The following CCNB3 variants were observed in gnomAD, a reference collection of about 807,000 sequenced individuals.
CCNB3 encodes G2/mitotic-specific cyclin-B3.
CCNB3 carries 12 observed loss-of-function variants against 68.0 expected under a neutral mutation model. The ratio of observed to expected loss-of-function variants is 0.18; its 90% CI spans 0.11 to 0.29. The LOEUF is 0.29. Ranked by LOEUF, CCNB3 falls within the 10% of genes least tolerant of loss-of-function variation. The pLI, the probability that CCNB3 is intolerant of heterozygous loss-of-function variation, is 1.00. For synonymous variants in CCNB3, 354 were observed against 388.9 expected, an observed-to-expected ratio of 0.91 and a Z score of 1.06; for missense variants, 904 against 993.1, an observed-to-expected ratio of 0.91 and a Z score of 1.21.
rs782708686 is a variant in CCNB3, at chrX:50,323,094, A to G, written c.3516+9146A>G. On this transcript the variant is annotated intron_variant, in intron 8 of 12. Transcript: ENST00000376042. Reference sequence around the variant, plus strand: ...GTATACACCCAAAGGATTAGAAATCATGCTGCTATAAAGACACATGCACAT... The same window carrying G: ...GTATACACCCAAAGGATTAGAAATCGTGCTGCTATAAAGACACATGCACAT... Among the ~76,000 whole-genome samples, 12 of 112,190 alleles carry G rather than the reference A, an allele frequency of 1.1e-4. No individual in the cohort carries two copies. In the East Asian group the frequency reaches 3.4e-3, roughly 31 times the overall value.
At position 50,310,449 on chromosome X, in the gene CCNB3, C is replaced by T. The variant is rs1557214572; in HGVS notation, c.2280C>T (p.Phe760=). Reference sequence around the variant, plus strand: ...AGTCCACTTCTCATGGAAAAGTGTTCTTCCTGAAGAAGCAGTTGGCTTTGA... The same window carrying T: ...AGTCCACTTCTCATGGAAAAGTGTTTTTCCTGAAGAAGCAGTTGGCTTTGA... The part of the protein sequence containing the change: ...KKKSTSHGKV[F]FLKKQLALNE... The change falls in exon 6 of 13, where the codon TTC becomes TTT. Residue 760 remains phenylalanine, a synonymous_variant. Transcript: ENST00000376042. 2 of 1,210,462 alleles carry T rather than the reference C, an allele frequency of 1.7e-6. No homozygotes were observed. Among genetic ancestry groups the T allele is most frequent in the South Asian group, 3.5e-5 (2 of 56,605 alleles).
chrX:50,225,473 A>G (rs1935738564), intron 1 of CCNB3, among the ~76,000 whole-genome samples: 1 of 110,045 alleles, frequency 9.1e-6, no homozygotes, highest in African/African-American at 3.3e-5. Flanking sequence ...GAAGGGAGGG[A>G]CACGATACCA....
intron 1 of CCNB3, 76 bp from the exon 2 acceptor site, chrX:50,284,466 C>T (rs1476401931): frequency 2.7e-5 from 3 of 111,865 alleles, no homozygotes; most frequent in Non-Finnish European, 3.8e-5. Context: ...AGATCAAGTT[C>T]TTATGTCAAA....
At chrX:50,209,105 C>T (rs75863855) in intron 1 of CCNB3, among the ~76,000 whole-genome samples, 3 of 107,283 alleles carry the variant, frequency 2.8e-5, no homozygotes, top group Non-Finnish European at 5.8e-5. Flanking sequence ...TTTTAAAAAA[C>T]CTTTCATTGA....
At chrX:50,294,767 C>T in intron 4 of CCNB3, 96 bp from the exon 5 acceptor site, 1 of 1,044,322 alleles carries the variant, frequency 9.6e-7, no homozygotes, top group Non-Finnish European at 1.3e-6. Flanking sequence ...TGGGTCAGGA[C>T]TTTCCTATGA....
intron 5 of CCNB3, 81 bp downstream of exon 5, chrX:50,295,074 T>A (rs1936427744): frequency 9.8e-7 from 1 of 1,017,693 alleles, no homozygotes; most frequent in South Asian, 2.5e-5. Context: ...AGAACATATT[T>A]AGCAAGCCAC....
Position 50,288,939 on chromosome X carries a change from T to A in CCNB3, c.204+52T>A, listed in dbSNP as rs973181177. The A allele has an allele frequency of 2.4e-5, 20 of 822,228 alleles. No individual in the cohort carries two copies. In the African/African-American group the frequency reaches 3.9e-4, roughly 16 times the overall value. The allele number at this position is 822,228 out of a possible 1,213,427, so 67.8% of individuals were successfully genotyped here. A position where few individuals can be genotyped will look rare whatever the true frequency, so the allele number is the denominator to read the frequency against. ...TATGGTTTTGCATAAGGCTTAGACA[T>A]GCTGTTTCTTGAGGGACCTTTCCAC... is the stretch of plus-strand genomic sequence containing the variant. On this transcript the variant is annotated intron_variant, in intron 4 of 12. Coordinates refer to ENST00000376042, the MANE Select transcript of CCNB3 (RefSeq NM_033031.3).
Position 50,351,062 on chromosome X carries a change from A to G in CCNB3, c.3961-179A>G, listed in dbSNP as rs182649248. 1.5e-4 allele frequency among the ~76,000 whole-genome samples: 17 copies of G among 111,744 alleles called. No homozygotes were observed. The East Asian group carries it at 4.8e-3, about 32-fold the overall frequency. On this transcript the variant is annotated intron_variant, in intron 11 of 12. Transcript: ENST00000376042. ...TCCCAGTAGTTTGTGGCTGGAATCTATTCTTCTATATAGCATAGTATAATT... is the reference window on the plus strand; with the variant it reads ...TCCCAGTAGTTTGTGGCTGGAATCTGTTCTTCTATATAGCATAGTATAATT...
rs369525241 is a variant in CCNB3 at position 50,286,613 on chromosome X, GTT to G, written c.96+1371_96+1372del. 2.4e-3 allele frequency among the ~76,000 whole-genome samples: 183 copies of G among 75,326 alleles called. 1 individual carries two copies. The highest frequency in any genetic ancestry group is 0.011 in the South Asian group (16 of 1,497). The allele number at this position is 75,326 out of a possible 115,157, so 65.4% of individuals were successfully genotyped here. On this transcript the variant is annotated intron_variant, in intron 3 of 12. Transcript: ENST00000376042. Reference sequence around the variant, plus strand: ...GCCACAGTGCCTGGCCCTCAGTTCGGTTTTTTTTTTTTTTTTTTGGTTGTTGT... The same window carrying G: ...GCCACAGTGCCTGGCCCTCAGTTCGGTTTTTTTTTTTTTTTTGGTTGTTGT...
intron 3 of CCNB3, among the ~76,000 whole-genome samples, 156 bp downstream of exon 3, chrX:50,285,415 A>G (rs1252706266): frequency 9.0e-6 from 1 of 111,326 alleles, no homozygotes; most frequent in Non-Finnish European, 1.9e-5. Flanking sequence ...ATGCCAGCAA[A>G]TTAGAACTTG....
At chrX:50,219,388 G>T (rs1935634619) in intron 1 of CCNB3, among the ~76,000 whole-genome samples, 2 of 111,332 alleles carry the variant, frequency 1.8e-5, no homozygotes, top group Admixed American at 9.6e-5. Flanking sequence ...TTCTTCGGGG[G>T]TTTTTATGGT....
intron 4 of CCNB3, among the ~76,000 whole-genome samples, chrX:50,290,250 C>T (rs782742630): frequency 8.9e-6 from 1 of 111,847 alleles, no homozygotes; most frequent in African/African-American, 3.2e-5. Context: ...AACTTAAAAA[C>T]AACAGAAAGT....
chrX:50,220,549 T>G (rs1259407235), intron 1 of CCNB3, among the ~76,000 whole-genome samples: 2 of 112,237 alleles, frequency 1.8e-5, no homozygotes, highest in African/African-American at 6.5e-5. Flanking sequence ...TCATTGGTTC[T>G]GTTTATGTGA....
At chrX:50,228,766 T>C (rs1203149628) in intron 1 of CCNB3, among the ~76,000 whole-genome samples, 2 of 74,995 alleles carry the variant, frequency 2.7e-5, no homozygotes, top group African/African-American at 5.4e-5. Context: ...GAAATATATA[T>C]ATAGAATACA....
At chrX:50,227,353 A>G (rs893403227) in intron 1 of CCNB3, among the ~76,000 whole-genome samples, 2 of 83,815 alleles carry the variant, frequency 2.4e-5, no homozygotes, top group Non-Finnish European at 4.4e-5. Context: ...ATATATATAT[A>G]AATATACTCA....
chrX:50,347,059 A>T (rs990243046), intron 10 of CCNB3, among the ~76,000 whole-genome samples: 6 of 110,520 alleles, frequency 5.4e-5, no homozygotes, highest in Non-Finnish European at 1.1e-4. Flanking sequence ...GGGAGGAGAA[A>T]CGTTTCTTTT....
intron 5 of CCNB3, among the ~76,000 whole-genome samples, chrX:50,295,540 C>T (rs1014428337): frequency 9.9e-5 from 11 of 111,629 alleles, no homozygotes; most frequent in Admixed American, 2.9e-4. Context: ...AAGACTTTAT[C>T]CCCTCCTCAT....
chrX:50,283,655 C>T (rs185712500), intron 1 of CCNB3, among the ~76,000 whole-genome samples: 8 of 110,847 alleles, frequency 7.2e-5, no homozygotes, highest in Admixed American at 4.9e-4. Context: ...AACCCCTCCC[C>T]AACATGTTAT....
At chrX:50,297,717 T>G (rs1936508570) in intron 5 of CCNB3, among the ~76,000 whole-genome samples, 1 of 111,761 alleles carries the variant, frequency 8.9e-6, no homozygotes, top group African/African-American at 3.3e-5. Context: ...TAAATTACCT[T>G]GGACAGTATG....
Sources: gnomAD v4.1 joint callset for allele counts (sites outside exome capture counted in the v4.1 genomes callset) on GRCh38, gnomAD v4.1.1 for gene constraint, MANE v1.5 for transcripts, NCBI Gene and HGNC (gene_info 2026-07-23, HGNC 2026-07-21) for gene names.